Variants in DTWD2 observed in about 807,000 individuals in gnomAD.
DTWD2 encodes tRNA-uridine aminocarboxypropyltransferase 2.
A neutral mutation model predicts 31.8 loss-of-function variants in DTWD2; 39 were observed. That is an observed-to-expected ratio of 1.22 (90% CI 0.95 to 1.60). The LOEUF (loss-of-function observed/expected upper bound fraction) is 1.60, where lower values mean the gene tolerates loss of function less well. Ranked by LOEUF, DTWD2 falls within the 40% of genes most tolerant of loss-of-function variation. The pLI is 0.00. For synonymous variants in DTWD2, 180 were observed against 142.8 expected (o/e 1.26, Z -1.86); for missense variants, 515 against 381.5 (o/e 1.35, Z -2.92).
At chr5:118,885,944 A>C (rs1467860346) in intron 4 of DTWD2, among the ~76,000 whole-genome samples, 1 of 152,084 alleles carries the variant, frequency 6.6e-6, no homozygotes, top group Non-Finnish European at 1.5e-5. Flanking sequence ...CAGCCTAGGT[A>C]ACAGAGTGAG....
intron 1 of DTWD2, among the ~76,000 whole-genome samples, chr5:118,947,643 C>A (rs1041300157): frequency 2.0e-5 from 3 of 152,128 alleles, no homozygotes; most frequent in Non-Finnish European, 4.4e-5. Flanking sequence ...GAAAAGACAG[C>A]ATTCGAGCGG....
At chr5:118,965,389 G>A (rs572462375) in intron 1 of DTWD2, among the ~76,000 whole-genome samples, 15 of 151,932 alleles carry the variant, frequency 9.9e-5, no homozygotes, top group Non-Finnish European at 1.5e-4. Context: ...GAAGTGAGGA[G>A]CCCCTCTGCC....
intron 4 of DTWD2, among the ~76,000 whole-genome samples, chr5:118,855,833 A>G (rs2149541853): frequency 6.6e-6 from 1 of 152,324 alleles, no homozygotes; most frequent in Non-Finnish European, 1.5e-5. Context: ...GTGCCCTATA[A>G]TATCACCAGC....
In DTWD2 at chr5:118,939,232, C is replaced by A; in HGVS notation, c.368G>T (p.Cys123Phe). ...GAAGCGACGACCGATCTTCACTTTACACTTGTCCTGGGGGAGGCATGCTGC... is the reference window on the plus strand; with the variant it reads ...GAAGCGACGACCGATCTTCACTTTAAACTTGTCCTGGGGGAGGCATGCTGC... ...LLAACLPQDKCKVKIGRRFSE... is the reference protein window; with the variant it reads ...LLAACLPQDKFKVKIGRRFSE... Residue 123 changes from cysteine to phenylalanine, a missense_variant, in exon 3 of 6, where the codon TGT becomes TTT. Physicochemically the swap from Cys to Phe is radical, Grantham distance 205. Transcript: ENST00000510708. The A allele has an allele frequency of 6.2e-7, 1 of 1,606,370 alleles. No individual in the cohort carries two copies. The highest frequency in any genetic ancestry group is 1.3e-5 in the African/African-American group (1 of 74,712).
At chr5:118,964,246 T>G (rs1213489840) in intron 1 of DTWD2, among the ~76,000 whole-genome samples, 2 of 151,278 alleles carry the variant, frequency 1.3e-5, no homozygotes, top group Non-Finnish European at 2.9e-5. Flanking sequence ...ATTTGCAGAA[T>G]GAAACATCTC....
chr5:118,868,023 T>C (rs1048239084), intron 4 of DTWD2, among the ~76,000 whole-genome samples: 1 of 152,140 alleles, frequency 6.6e-6, no homozygotes, highest in Non-Finnish European at 1.5e-5. Flanking sequence ...TTTCACAACT[T>C]AAACTATGGT....
chr5:118,862,084 C>A (rs1475930410), intron 4 of DTWD2, among the ~76,000 whole-genome samples: 1 of 152,240 alleles, frequency 6.6e-6, no homozygotes, highest in Non-Finnish European at 1.5e-5. Flanking sequence ...AGATCCACCA[C>A]AGCACTAGAT....
intron 4 of DTWD2, among the ~76,000 whole-genome samples, chr5:118,923,423 C>A (rs765284926): frequency 1.3e-5 from 2 of 152,128 alleles, no homozygotes; most frequent in Non-Finnish European, 2.9e-5. Flanking sequence ...CGAAATATGA[C>A]CTTCCGGGTA....
rs1380550449 is a variant in DTWD2 at position 118,905,096 on chromosome 5, A to C, written c.597+23441T>G. 2.0e-5 allele frequency among the ~76,000 whole-genome samples: 3 copies of C among 152,302 alleles called. No homozygotes were observed. The East Asian group carries it at 5.8e-4, about 29-fold the overall frequency. ...TGCTAACAACTGCATATGTATGTAC[A>C]TGTGTGGATATGTGTCTGTGCTATA... On this transcript the variant is annotated intron_variant, in intron 4 of 5. Coordinates refer to ENST00000510708, the MANE Select transcript of DTWD2 (RefSeq NM_173666.4).
intron 1 of DTWD2, among the ~76,000 whole-genome samples, chr5:118,952,093 A>G (rs1022008796): frequency 1.3e-5 from 2 of 152,222 alleles, no homozygotes; most frequent in East Asian, 3.9e-4. Flanking sequence ...GTGAGAGGAC[A>G]GAGAAGACAG....
At chr5:118,942,294 G>C (rs1294414940) in intron 2 of DTWD2, among the ~76,000 whole-genome samples, 1 of 152,114 alleles carries the variant, frequency 6.6e-6, no homozygotes, top group African/African-American at 2.4e-5. Context: ...AGGATAACTT[G>C]AGCCATGGGT....
intron 1 of DTWD2, among the ~76,000 whole-genome samples, chr5:118,982,482 C>T (rs183206480): frequency 1.3e-5 from 2 of 152,210 alleles, no homozygotes; most frequent in African/African-American, 4.8e-5. Flanking sequence ...AATCAGTTAG[C>T]TTTCCACATA....
chr5:118,960,908 C>T (rs1754690715), intron 1 of DTWD2, among the ~76,000 whole-genome samples: 1 of 151,974 alleles, frequency 6.6e-6, no homozygotes, highest in Non-Finnish European at 1.5e-5. Context: ...AAACAATAGA[C>T]ATTGAGGCCT....
At chr5:118,864,927 G>A (rs1045402010) in intron 4 of DTWD2, among the ~76,000 whole-genome samples, 1 of 152,026 alleles carries the variant, frequency 6.6e-6, no homozygotes, top group African/African-American at 2.4e-5. Context: ...CATAAACACA[G>A]AATAGCAGCC....
chr5:118,869,798 T>A (rs911004198), intron 4 of DTWD2, among the ~76,000 whole-genome samples: 1 of 152,230 alleles, frequency 6.6e-6, no homozygotes, highest in African/African-American at 2.4e-5. Context: ...CTAATTATCT[T>A]ATACGGCCTG....
intron 1 of DTWD2, chr5:118,974,717 T>A: frequency 2.0e-6 from 1 of 498,326 alleles, no homozygotes; most frequent in Non-Finnish European, 4.0e-6. Flanking sequence ...GTCTATGAAG[T>A]TGCTGTTTAT....
At chr5:118,903,743 GA>G (rs1753266455) in intron 4 of DTWD2, among the ~76,000 whole-genome samples, 1 of 151,322 alleles carries the variant, frequency 6.6e-6, no homozygotes, top group African/African-American at 2.4e-5. Context: ...GAATTTCCTG[GA>G]AATGTAAAAA....
chr5:118,861,101 C>T (rs1222828646), intron 4 of DTWD2, among the ~76,000 whole-genome samples: 1 of 152,150 alleles, frequency 6.6e-6, no homozygotes, highest in Non-Finnish European at 1.5e-5. Flanking sequence ...TTGAAAATGC[C>T]TTCACATAGA....
intron 5 of DTWD2, among the ~76,000 whole-genome samples, chr5:118,842,725 C>G (rs1751746787): frequency 6.6e-6 from 1 of 150,912 alleles, no homozygotes; most frequent in Admixed American, 6.6e-5. Context: ...TTGAGCCCAG[C>G]AGTTTGAGAC....
Sources: allele counts gnomAD v4.1 joint callset (sites outside exome capture counted in the v4.1 genomes callset), GRCh38; gene constraint gnomAD v4.1.1; transcripts MANE v1.5; gene names NCBI Gene and HGNC (gene_info 2026-07-23, HGNC 2026-07-21).